Variants in TPTE observed in about 807,000 individuals in gnomAD.
The protein encoded by TPTE is transmembrane phosphatase with tensin homology.
Under a neutral mutation model 84.1 loss-of-function variants are expected in TPTE, and 59 were observed. The observed-to-expected ratio is 0.70, with a 90% CI of 0.57 to 0.87. The LOEUF (loss-of-function observed/expected upper bound fraction) is 0.87, where lower values mean the gene tolerates loss of function less well. TPTE is among the 40% of genes least tolerant of loss of function. The pLI is 0.00. For synonymous variants in TPTE, 130 were observed against 223.5 expected, an observed-to-expected ratio of 0.58 and a Z score of 3.73; for missense variants, 382 against 659.6, an observed-to-expected ratio of 0.58 and a Z score of 4.61.
chr21:10,533,447 G>T (rs547295608), intron 3 of TPTE, among the ~76,000 whole-genome samples: 1 of 152,424 alleles, frequency 6.6e-6, no homozygotes, highest in South Asian at 2.1e-4. Flanking sequence ...TCAGCTTGTT[G>T]TATTTCTTTT....
chr21:10,540,209 A>G (rs2074342830), intron 4 of TPTE, among the ~76,000 whole-genome samples: 2 of 152,304 alleles, frequency 1.3e-5, no homozygotes, highest in African/African-American at 2.4e-5. Context: ...ATACCAAGGA[A>G]TACAGTTATA....
intron 8 of TPTE, among the ~76,000 whole-genome samples, chr21:10,556,972 AT>A (rs1266872559): frequency 6.6e-6 from 1 of 152,302 alleles, no homozygotes; most frequent in East Asian, 1.9e-4. Context: ...GATTCCAAAA[AT>A]TTTCTCCCAT....
At chr21:10,529,064 G>T (rs1312605763) in intron 3 of TPTE, among the ~76,000 whole-genome samples, 1 of 152,302 alleles carries the variant, frequency 6.6e-6, no homozygotes, top group Non-Finnish European at 1.5e-5. Flanking sequence ...CATGCCTGCA[G>T]TCCCAGCTAC....
At chr21:10,523,729 G>A (rs1362108237) in intron 1 of TPTE, among the ~76,000 whole-genome samples, 1 of 152,308 alleles carries the variant, frequency 6.6e-6, no homozygotes, top group African/African-American at 2.4e-5. Context: ...CCAAGTCTTT[G>A]CTATTGTGAA....
rs117978931 is a variant in TPTE at position 10,542,936 on chromosome 21, T to C, written c.120-393T>C. Among the ~76,000 whole-genome samples the C allele has an allele frequency of 3.5e-4, 53 of 152,348 alleles. No homozygotes were observed. The East Asian group carries it at 4.3e-3, about 12-fold the overall frequency. On this transcript the variant is annotated intron_variant, in intron 6 of 23. Transcript: ENST00000618007. ...GACTCAGATTTCTGATAGGAATTCA[T>C]TGGTTTCTGTCTAGAGTAATAAAAG...
At chr21:10,554,982 C>T (rs945375811) in intron 8 of TPTE, among the ~76,000 whole-genome samples, 4 of 152,308 alleles carry the variant, frequency 2.6e-5, no homozygotes, top group African/African-American at 7.2e-5. Flanking sequence ...CACCTCCCTA[C>T]CCCCAGAGTC....
At chr21:10,566,799 A>G (rs367876841) in intron 10 of TPTE, among the ~76,000 whole-genome samples, 163 of 152,314 alleles carry the variant, frequency 1.1e-3, no homozygotes, top group African/African-American at 3.6e-3. Context: ...CAACATGGAG[A>G]AACCCCATCT....
In TPTE at chr21:10,569,837, C is replaced by T. The variant is rs546147515; in HGVS notation, c.730+91C>T. ...TTGCCTCATCTAAGACACATTCATT[C>T]AAAATATTCTTTATTCATGAGGATA... On this transcript the variant is annotated intron_variant, in intron 13 of 23. Transcript: ENST00000618007. 4.3e-6 allele frequency: 7 copies of T among 1,611,210 alleles called. No individual in the cohort carries two copies. In the African/African-American group the frequency reaches 6.7e-5, roughly 15 times the overall value.
At chr21:10,534,749 G>C (rs928254694) in intron 3 of TPTE, among the ~76,000 whole-genome samples, 1 of 152,306 alleles carries the variant, frequency 6.6e-6, no homozygotes, top group African/African-American at 2.4e-5. Context: ...TGAAGTACTG[G>C]TAGTTTCAGC....
rs578073969 is a variant in TPTE at position 10,547,666 on chromosome 21, C to G, written c.173+4284C>G. ...AGTCATCTCTTGAGTGTGCCCTCCTCTGGGGGCCAGTAGCCACTGTGCCTC... is the reference window on the plus strand; with the variant it reads ...AGTCATCTCTTGAGTGTGCCCTCCTGTGGGGGCCAGTAGCCACTGTGCCTC... On this transcript the variant is annotated intron_variant, in intron 7 of 23. Transcript: ENST00000618007. Among the ~76,000 whole-genome samples, 15 of 152,418 alleles carry G rather than the reference C, an allele frequency of 9.8e-5. No homozygotes were observed. The South Asian group carries it at 3.1e-3, about 32-fold the overall frequency.
intron 8 of TPTE, among the ~76,000 whole-genome samples, chr21:10,557,817 G>GT (rs370090538): frequency 9.6e-4 from 145 of 151,536 alleles, no homozygotes; most frequent in East Asian, 6.8e-3. Context: ...CAGGGAGGTT[G>GT]TTTTTTTTTA....
intron 17 of TPTE, among the ~76,000 whole-genome samples, chr21:10,580,347 G>A (rs1430784689): frequency 2.6e-3 from 396 of 151,726 alleles, no homozygotes; most frequent in Admixed American, 4.4e-3. Context: ...GTGCAAAAGC[G>A]TTTTAGTTTG....
chr21:10,566,094 T>G (rs574631221), intron 10 of TPTE, among the ~76,000 whole-genome samples: 120 of 152,378 alleles, frequency 7.9e-4, no homozygotes, highest in Non-Finnish European at 1.5e-3. Flanking sequence ...GGAGAAAATA[T>G]TTGCAAACTA....
intron 9 of TPTE, 87 bp from the exon 10 acceptor site, chr21:10,560,943 C>A: frequency 1.4e-6 from 2 of 1,472,128 alleles, no homozygotes; most frequent in East Asian, 2.5e-5. Context: ...GGTACCTGAT[C>A]AGTGGCTTAA....
At position 10,605,418 on chromosome 21, in the gene TPTE, C is replaced by T. The variant is rs1432945554; in HGVS notation, c.1522C>T (p.Leu508Phe). The change falls in exon 24 of 24, where the codon CTT (leucine) becomes TTT (phenylalanine). Residue 508 changes from leucine (L) to phenylalanine (F), a missense_variant and splice_region_variant. Leu to Phe is a conservative substitution (Grantham distance 22). This residue lies in a region of TPTE where 120 missense variants were observed against 79.1 expected (regional missense o/e 1.52). Transcript: ENST00000618007. ...GTAATAATTTTTTTCTATTCTTAGGCTTTATCTACCAAAAAATGAATTGGA... is the reference window on the plus strand; with the variant it reads ...GTAATAATTTTTTTCTATTCTTAGGTTTTATCTACCAAAAAATGAATTGGA... ...LHTSFIENNRLYLPKNELDNL... is the reference protein window; with the variant it reads ...LHTSFIENNRFYLPKNELDNL... The T allele has an allele frequency of 1.9e-6, 3 of 1,613,892 alleles. No homozygotes were observed. Among genetic ancestry groups the T allele is most frequent in the Non-Finnish European group, 2.5e-6 (3 of 1,179,852 alleles).
At chr21:10,531,025 C>T (rs1168210454) in intron 3 of TPTE, among the ~76,000 whole-genome samples, 5 of 152,418 alleles carry the variant, frequency 3.3e-5, no homozygotes, top group Admixed American at 6.5e-5. Context: ...TGTTAATTTA[C>T]GTGTGCTGTT....
At chr21:10,530,224 A>G (rs1025443356) in intron 3 of TPTE, among the ~76,000 whole-genome samples, 4 of 152,306 alleles carry the variant, frequency 2.6e-5, no homozygotes, top group South Asian at 2.1e-4. Flanking sequence ...TTAGAAACCA[A>G]TCAATATTTT....
intron 3 of TPTE, among the ~76,000 whole-genome samples, chr21:10,536,523 T>A (rs1156327051): frequency 6.6e-6 from 1 of 152,304 alleles, no homozygotes; most frequent in African/African-American, 2.4e-5. Context: ...TAAAGAAATA[T>A]ATATGCAGAT....
intron 17 of TPTE, among the ~76,000 whole-genome samples, chr21:10,587,899 G>A (rs566328052): frequency 1.1e-3 from 167 of 152,186 alleles, no homozygotes; most frequent in Non-Finnish European, 1.9e-3. Flanking sequence ...ACCCAGGCTG[G>A]AATGCAGTGG....
Sources: allele counts gnomAD v4.1 joint callset (sites outside exome capture counted in the v4.1 genomes callset), GRCh38; gene constraint gnomAD v4.1.1; regional missense constraint gnomAD v4.1.1; transcripts MANE v1.5; gene names NCBI Gene and HGNC (gene_info 2026-07-23, HGNC 2026-07-21).